RGS7: variants seen among roughly 807,000 people sequenced by gnomAD.
RGS7 encodes regulator of G-protein signaling 7.
Under a neutral mutation model 81.1 loss-of-function variants are expected in RGS7, and 27 were observed. The ratio of observed to expected loss-of-function variants is 0.33; its 90% CI spans 0.25 to 0.46. RGS7 has a LOEUF of 0.46. Among genes scored for constraint, RGS7 ranks in the 20% least tolerant of loss-of-function variants. The pLI is 1.00. For synonymous variants in RGS7, 208 were observed against 207.7 expected, an observed-to-expected ratio of 1.00 and a Z score of -0.01; for missense variants, 396 against 607.4, an observed-to-expected ratio of 0.65 and a Z score of 3.66.
chr1:241,286,657 T>C (rs2078828162), intron 2 of RGS7, among the ~76,000 whole-genome samples: 1 of 152,120 alleles, frequency 6.6e-6, no homozygotes, highest in South Asian at 2.1e-4. Context: ...TGGCCCAAAC[T>C]AGGGTTTTTC....
chr1:240,776,551 ACCTAG>A (rs1001129561), intron 18 of RGS7, among the ~76,000 whole-genome samples: 21 of 152,292 alleles, frequency 1.4e-4, no homozygotes, highest in South Asian at 4.1e-4. Flanking sequence ...ATGAAGCAAC[ACCTAG>A]GTTCCCAACT....
chr1:241,236,993 G>A (rs1175523466), intron 2 of RGS7, among the ~76,000 whole-genome samples: 1 of 152,206 alleles, frequency 6.6e-6, no homozygotes, highest in Non-Finnish European at 1.5e-5. Context: ...AGCACGACAA[G>A]GGAAATGTAC....
chr1:241,189,710 G>A (rs1256678982), intron 2 of RGS7, among the ~76,000 whole-genome samples: 1 of 152,184 alleles, frequency 6.6e-6, no homozygotes, highest in Non-Finnish European at 1.5e-5. Flanking sequence ...TGTACAAGGT[G>A]TGAGACTTGA....
chr1:240,792,077 A>G (rs1406714152), intron 18 of RGS7, among the ~76,000 whole-genome samples: 1 of 152,190 alleles, frequency 6.6e-6, no homozygotes, highest in Non-Finnish European at 1.5e-5. Context: ...TGAGATTCAG[A>G]TCATTTTGAA....
intron 3 of RGS7, among the ~76,000 whole-genome samples, chr1:241,010,646 A>G (rs1302985546): frequency 6.6e-6 from 1 of 152,252 alleles, no homozygotes; most frequent in Non-Finnish European, 1.5e-5. Context: ...ATAACTTCTC[A>G]GCTAAAAATG....
intron 6 of RGS7, among the ~76,000 whole-genome samples, chr1:240,902,903 A>C (rs12727671): frequency 0.13 from 19,459 of 152,226 alleles, 1,343 homozygotes; most frequent in Middle Eastern, 0.18. Context: ...AAGTAGCAAA[A>C]TGCAACATAG....
At position 240,870,081 on chromosome 1, in the gene RGS7, G is replaced by C; in HGVS notation, c.424C>G (p.Arg142Gly). 1.2e-6 allele frequency: 2 copies of C among 1,613,968 alleles called. No homozygotes were observed. Among genetic ancestry groups the C allele is most frequent in the Non-Finnish European group, 1.7e-6 (2 of 1,179,962 alleles). ...LCKRTMQNKARLELADYEAES... is the reference protein window; with the variant it reads ...LCKRTMQNKAGLELADYEAES... ...GCCTCATAGTCTGCGAGCTCCAGTC[G>C]TGCCTTGTTTTGCATTGTTCTCTTG... is the stretch of plus-strand genomic sequence containing the variant. The change falls in exon 7 of 19, where the codon CGA becomes GGA. Residue 142 changes from arginine (R) to glycine (G), a missense_variant. Physicochemically the swap from Arg to Gly is moderately radical, Grantham distance 125 (BLOSUM62 -2). Coordinates refer to ENST00000440928, the MANE Select transcript of RGS7 (RefSeq NM_001364886.1).
intron 2 of RGS7, among the ~76,000 whole-genome samples, chr1:241,313,075 G>C (rs1332648286): frequency 6.6e-6 from 1 of 152,196 alleles, no homozygotes; most frequent in Non-Finnish European, 1.5e-5. Flanking sequence ...TGAGAGGTGA[G>C]GAAGTCACAG....
chr1:241,008,691 T>C (rs1449121160), intron 3 of RGS7, among the ~76,000 whole-genome samples: 2 of 152,048 alleles, frequency 1.3e-5, no homozygotes, highest in Non-Finnish European at 2.9e-5. Context: ...GGTGGGCCCA[T>C]CACTTGAGGC....
At chr1:241,248,353 CAT>C (rs945085632) in intron 2 of RGS7, among the ~76,000 whole-genome samples, 71 of 145,774 alleles carry the variant, frequency 4.9e-4, no homozygotes, top group African/African-American at 1.1e-3. Flanking sequence ...GATATATATA[CAT>C]ATATATATAT....
In RGS7 at chr1:240,842,199, A is replaced by ATTTTTTTTTTTTTTTTT. The variant is rs568381066; in HGVS notation, c.610-15044_610-15028dup. Among the ~76,000 whole-genome samples the ATTTTTTTTTTTTTTTTT allele has an allele frequency of 1.0e-3, 81 of 78,690 alleles. 25 individuals are homozygous for ATTTTTTTTTTTTTTTTT. The highest frequency in any genetic ancestry group is 2.3e-3 in the East Asian group (6 of 2,592). 51.6% of individuals were successfully genotyped at this position (78,690 alleles called of 152,430 possible). A position where few individuals can be genotyped will look rare whatever the true frequency, so the allele number is the denominator to read the frequency against. ...TGATTTCAGATTATGTTTGTCAGGA[A>ATTTTTTTTTTTTTTTTT]TTTTTTTTTTTTTTTTTGAGACAGA... On this transcript the variant is annotated intron_variant, in intron 9 of 18. Coordinates refer to ENST00000440928, the MANE Select transcript of RGS7 (RefSeq NM_001364886.1).
rs1023164924 is a variant in RGS7, at chr1:241,279,287, C to T, written c.78+76412G>A. Among the ~76,000 whole-genome samples the T allele has an allele frequency of 5.3e-5, 8 of 152,124 alleles. No homozygotes were observed. In the South Asian group the frequency reaches 1.4e-3, roughly 28 times the overall value. On this transcript the variant is annotated intron_variant, in intron 2 of 18. Coordinates refer to ENST00000440928, the MANE Select transcript of RGS7 (RefSeq NM_001364886.1). ...TCAGGACTCAGAAAGAGGGGCAGAG[C>T]TCAGTTACAGTGAAGAATGGGTTCC...
At chr1:241,290,808 T>C (rs2079047872) in intron 2 of RGS7, among the ~76,000 whole-genome samples, 1 of 152,130 alleles carries the variant, frequency 6.6e-6, no homozygotes, top group South Asian at 2.1e-4. Flanking sequence ...ACAGCAAATA[T>C]CTCATGAAAT....
Position 241,183,423 on chromosome 1 carries a change from TA to T in RGS7, c.79-84662del, listed in dbSNP as rs567560058. On this transcript the variant is annotated intron_variant, in intron 2 of 18. Transcript: ENST00000440928. ...CCTGGCCCATACTATTGCAAATAAC[TA>T]AACAGGCCCTGTAGATACCCAAAGT... Among the ~76,000 whole-genome samples the T allele has an allele frequency of 1.2e-3, 177 of 152,252 alleles. 1 individual carries two copies. Among genetic ancestry groups the T allele is most frequent in the African/African-American group, 4.2e-3 (174 of 41,564 alleles).
chr1:241,287,071 A>G (rs28456052), intron 2 of RGS7, among the ~76,000 whole-genome samples: 11,876 of 152,298 alleles, frequency 0.078, 501 homozygotes, highest in Non-Finnish European at 0.11. Context: ...ATTATTCTAA[A>G]CTGATCAATG....
At chr1:241,231,633 A>G (rs1035346276) in intron 2 of RGS7, among the ~76,000 whole-genome samples, 1 of 152,094 alleles carries the variant, frequency 6.6e-6, no homozygotes, top group African/African-American at 2.4e-5. Context: ...TGCTGGGATT[A>G]CAGGCGTGAG....
rs188501802 is a variant in RGS7 at position 240,826,196 on chromosome 1, C to T, written c.684+902G>A. Among the ~76,000 whole-genome samples, 490 of 152,252 alleles carry T rather than the reference C, an allele frequency of 3.2e-3. 1 individual carries two copies. Among genetic ancestry groups the T allele is most frequent in the African/African-American group, 0.011 (467 of 41,542 alleles). ...GGCAGAAGCATTTGAGCACCGCATC[C>T]GAATTGGTTTTGTGGTGCTTTGCTT... On this transcript the variant is annotated intron_variant, in intron 10 of 18. Transcript: ENST00000440928.
intron 6 of RGS7, among the ~76,000 whole-genome samples, chr1:240,920,946 C>CT (rs34197635): frequency 0.51 from 75,504 of 148,544 alleles, 19,610 homozygotes; most frequent in Middle Eastern, 0.65. Context: ...GAATAAATGT[C>CT]TTTTTTTTTT....
chr1:241,147,780 TTATATATATATATATATATATATATA>T lies in RGS7; in HGVS notation c.79-49044_79-49019del, dbSNP rs200770896. Among the ~76,000 whole-genome samples, 64 of 44,648 alleles carry T rather than the reference TTATATATATATATATATATATATATA, an allele frequency of 1.4e-3. 2 individuals are homozygous for T. Among genetic ancestry groups the T allele is most frequent in the African/African-American group, 3.2e-3 (50 of 15,416 alleles). The allele number at this position is 44,648 out of a possible 152,430, so 29.3% of individuals were successfully genotyped here. A position where few individuals can be genotyped will look rare whatever the true frequency, so the allele number is the denominator to read the frequency against. On this transcript the variant is annotated intron_variant, in intron 2 of 18. Transcript: ENST00000440928. Reference sequence around the variant, plus strand: ...TTAAATATCCCATCTAGATTAAGTTTTATATATATATATATATATATATATATATATATATATATGTAAGAATCAAT... The same window carrying T: ...TTAAATATCCCATCTAGATTAAGTTTTATATATATATATGTAAGAATCAAT...
Sources: gnomAD v4.1 joint callset for allele counts (sites outside exome capture counted in the v4.1 genomes callset) on GRCh38, gnomAD v4.1.1 for gene constraint, MANE v1.5 for transcripts, NCBI Gene and HGNC (gene_info 2026-07-23, HGNC 2026-07-21) for gene names.